TBC1D19: variants seen among roughly 807,000 people sequenced by gnomAD.
The protein encoded by TBC1D19 is TBC1 domain family member 19.
Under a neutral mutation model 89.0 loss-of-function variants are expected in TBC1D19, and 60 were observed. That is an observed-to-expected ratio of 0.67 (90% confidence interval 0.55 to 0.84). The LOEUF is 0.84. Ranked by LOEUF, TBC1D19 falls within the 40% of genes least tolerant of loss-of-function variation. TBC1D19 has a pLI of 0.00. For missense variants in TBC1D19, 500 were observed against 610.8 expected (o/e 0.82, Z 1.91); for synonymous variants, 189 against 199.7 (o/e 0.95, Z 0.45).
intron 13 of TBC1D19, among the ~76,000 whole-genome samples, chr4:26,704,013 G>A (rs568521646): frequency 4.0e-5 from 6 of 150,724 alleles, no homozygotes; most frequent in Non-Finnish European, 7.4e-5. Flanking sequence ...ACAAGGATAC[G>A]CAGGCACTTG....
chr4:26,786,271 C>T, the TBC1D19 span, among the ~76,000 whole-genome samples: 500 of 152,228 alleles, frequency 3.3e-3, 1 homozygote, highest in African/African-American at 0.011. Context: ...TATTCAATGT[C>T]GCCAAAGTGC....
intron 8 of TBC1D19, among the ~76,000 whole-genome samples, chr4:26,660,253 A>G (rs1466375582): frequency 6.6e-6 from 1 of 152,120 alleles, no homozygotes; most frequent in Non-Finnish European, 1.5e-5. Context: ...TTTCAAAGTC[A>G]CCCTAAAACA....
the TBC1D19 span, among the ~76,000 whole-genome samples, chr4:26,821,927 A>G: frequency 6.6e-6 from 1 of 152,214 alleles, no homozygotes; most frequent in Non-Finnish European, 1.5e-5. Context: ...GTTTTCCTTG[A>G]CATTTTATGA....
chr4:26,789,008 T>A, the TBC1D19 span, among the ~76,000 whole-genome samples: 6 of 152,228 alleles, frequency 3.9e-5, no homozygotes, highest in African/African-American at 1.4e-4. Flanking sequence ...TTTCCCTTTT[T>A]TCATTTATGT....
chr4:26,797,204 A>G, the TBC1D19 span, among the ~76,000 whole-genome samples: 2 of 152,172 alleles, frequency 1.3e-5, no homozygotes, highest in Non-Finnish European at 2.9e-5. Context: ...AAAAATCAAC[A>G]TATGGAAATC....
intron 18 of TBC1D19, among the ~76,000 whole-genome samples, chr4:26,743,544 T>C (rs1002082914): frequency 6.6e-6 from 1 of 152,038 alleles, no homozygotes; most frequent in Non-Finnish European, 1.5e-5. Flanking sequence ...TGTTTCAAGA[T>C]TGACTGATTA....
At chr4:26,627,646 G>A (rs1278640194) in intron 4 of TBC1D19, among the ~76,000 whole-genome samples, 19 of 151,766 alleles carry the variant, frequency 1.3e-4, no homozygotes, top group Admixed American at 6.6e-4. Flanking sequence ...GCCAGTGATG[G>A]TGAGCATTTT....
intron 2 of TBC1D19, among the ~76,000 whole-genome samples, chr4:26,613,845 T>G (rs1741518539): frequency 6.6e-6 from 1 of 152,202 alleles, no homozygotes; most frequent in South Asian, 2.1e-4. Flanking sequence ...TAACTTTTCA[T>G]AGAGCAAGAG....
At chr4:26,821,473 G>A in the TBC1D19 span, among the ~76,000 whole-genome samples, 1 of 152,174 alleles carries the variant, frequency 6.6e-6, no homozygotes, top group Non-Finnish European at 1.5e-5. Flanking sequence ...CATGTAAACA[G>A]GTATTTATTT....
chr4:26,667,962 T>A (rs1711960611), intron 9 of TBC1D19, among the ~76,000 whole-genome samples: 1 of 151,952 alleles, frequency 6.6e-6, no homozygotes, highest in Admixed American at 6.6e-5. Flanking sequence ...TTAATTTTCT[T>A]ATATAATGTG....
At chr4:26,663,430 T>C (rs1339092212) in intron 8 of TBC1D19, among the ~76,000 whole-genome samples, 1 of 152,200 alleles carries the variant, frequency 6.6e-6, no homozygotes, top group African/African-American at 2.4e-5. Flanking sequence ...CTGCTGCATG[T>C]AGAGGCAATT....
chr4:26,795,288 C>T, the TBC1D19 span, among the ~76,000 whole-genome samples: 3 of 152,264 alleles, frequency 2.0e-5, no homozygotes, highest in South Asian at 2.1e-4. Flanking sequence ...ATGTCACTTT[C>T]CAGGGAGCCC....
the TBC1D19 span, among the ~76,000 whole-genome samples, chr4:26,772,444 T>TG: frequency 1.3e-5 from 2 of 151,940 alleles, no homozygotes; most frequent in Admixed American, 6.6e-5. Flanking sequence ...TTTTTCTGGG[T>TG]GGGGGGGAGC....
intron 13 of TBC1D19, among the ~76,000 whole-genome samples, chr4:26,707,164 T>C (rs548648447): frequency 1.3e-5 from 2 of 152,174 alleles, no homozygotes; most frequent in East Asian, 3.9e-4. Context: ...ACACTAGAAT[T>C]GTCTATATCT....
intron 13 of TBC1D19, among the ~76,000 whole-genome samples, chr4:26,707,246 G>A (rs1200619948): frequency 2.0e-5 from 3 of 151,890 alleles, no homozygotes; most frequent in African/African-American, 7.2e-5. Context: ...GTTTATAGCT[G>A]TTGTATCTTC....
intron 17 of TBC1D19, among the ~76,000 whole-genome samples, chr4:26,741,213 T>G (rs970036590): frequency 1.1e-4 from 17 of 151,608 alleles, no homozygotes; most frequent in African/African-American, 3.6e-4. Context: ...AAAATTAGCC[T>G]GGCGCGGTGG....
At chr4:26,704,704 A>G (rs1305269749) in intron 13 of TBC1D19, among the ~76,000 whole-genome samples, 1 of 152,116 alleles carries the variant, frequency 6.6e-6, no homozygotes. Flanking sequence ...CCCCAATAGA[A>G]ATATATATAA....
the TBC1D19 span, among the ~76,000 whole-genome samples, chr4:26,782,736 A>T: frequency 6.6e-6 from 1 of 151,822 alleles, no homozygotes; most frequent in African/African-American, 2.4e-5. Flanking sequence ...AAAAACATTG[A>T]CTTTTTTTTT....
chr4:26,590,098 T>A (rs1219590841), intron 1 of TBC1D19, among the ~76,000 whole-genome samples: 3 of 152,212 alleles, frequency 2.0e-5, no homozygotes, highest in Non-Finnish European at 4.4e-5. Context: ...TTTTAGTTCA[T>A]TTCTTACTGT....
Sources: allele counts gnomAD v4.1 joint callset (sites outside exome capture counted in the v4.1 genomes callset), GRCh38; gene constraint gnomAD v4.1.1; transcripts MANE v1.5; gene names NCBI Gene and HGNC (gene_info 2026-07-23, HGNC 2026-07-21).